The following PEX14 variants were observed in gnomAD, a reference collection of about 807,000 sequenced individuals.
PEX14 encodes the protein peroxisomal membrane protein PEX14.
In PEX14, 15 loss-of-function variants were observed where a neutral mutation model predicts 49.5. The observed-to-expected ratio is 0.30, with a 90% CI of 0.20 to 0.47. The LOEUF (loss-of-function observed/expected upper bound fraction) is 0.47. Ranked by LOEUF, PEX14 falls within the 20% of genes least tolerant of loss-of-function variation. PEX14 has a pLI of 1.00. For synonymous variants in PEX14, 210 were observed against 212.7 expected (o/e 0.99, Z 0.11); for missense variants, 398 against 494.8 (o/e 0.80, Z 1.86).
At chr1:10,612,833 G>C (rs1269886499) in intron 4 of PEX14, among the ~76,000 whole-genome samples, 1 of 152,244 alleles carries the variant, frequency 6.6e-6, no homozygotes, top group African/African-American at 2.4e-5. Context: ...TGGCTTCTGA[G>C]CGAAGCTGAT....
At chr1:10,610,950 A>T (rs1641263097) in intron 4 of PEX14, among the ~76,000 whole-genome samples, 1 of 151,944 alleles carries the variant, frequency 6.6e-6, no homozygotes. Context: ...ACAATTCTTT[A>T]AAAATTTAAT....
At chr1:10,616,864 C>T (rs1373986523) in intron 4 of PEX14, 1 of 152,168 alleles carries the variant, frequency 6.6e-6, no homozygotes, top group African/African-American at 2.4e-5. Context: ...CGCCTGTAGT[C>T]CATCTGCTTG....
At position 10,630,371 on chromosome 1, in the gene PEX14, G is replaced by A. The variant is rs1316206700; in HGVS notation, c.*384G>A. On this transcript the variant is annotated 3_prime_UTR_variant, in exon 9 of 9. Coordinates refer to ENST00000356607, the MANE Select transcript of PEX14 (RefSeq NM_004565.3). This position sits in a 1 kb window ranked among gnomAD's most constrained non-coding sequence, Gnocchi z 4.1. The stretch of plus-strand genomic sequence containing the variant: ...GACACCACGCATGGCCAGAGCTAGC[G>A]TCCCTACTGCCTCCCGACTCCTCAG... 5 of 271,334 alleles carry A rather than the reference G, an allele frequency of 1.8e-5. No homozygotes were observed. Among genetic ancestry groups the A allele is most frequent in the South Asian group, 1.1e-4 (2 of 17,640 alleles). The allele number at this position is 271,334 out of a possible 1,614,324, so 16.8% of individuals were successfully genotyped here.
At chr1:10,493,087 C>A (rs1017438033) in intron 1 of PEX14, among the ~76,000 whole-genome samples, 1 of 152,178 alleles carries the variant, frequency 6.6e-6, no homozygotes, top group African/African-American at 2.4e-5. Context: ...GCCAGTGCGT[C>A]TGTCAGGGGG....
intron 5 of PEX14, among the ~76,000 whole-genome samples, chr1:10,621,656 ACCTTTCTTGCTGAGGACATTTCAT>A (rs1308992509): frequency 1.3e-5 from 2 of 152,024 alleles, no homozygotes; most frequent in Admixed American, 1.3e-4. Context: ...AGAATTCTTT[ACCTTTCTTGCTGAGGACATTTCAT>A]CCTGAAGTGT....
At chr1:10,611,373 G>A (rs1236214861) in intron 4 of PEX14, among the ~76,000 whole-genome samples, 1 of 152,218 alleles carries the variant, frequency 6.6e-6, no homozygotes, top group Non-Finnish European at 1.5e-5. Flanking sequence ...GTTGCTCCAT[G>A]TACCGCAATT....
At chr1:10,515,078 G>T (rs1641947770) in intron 2 of PEX14, among the ~76,000 whole-genome samples, 1 of 152,174 alleles carries the variant, frequency 6.6e-6, no homozygotes, top group South Asian at 2.1e-4. Context: ...CCTCCAGCGG[G>T]CTCTCCAGCA....
At chr1:10,542,865 G>C (rs1282217104) in intron 3 of PEX14, among the ~76,000 whole-genome samples, 5 of 152,164 alleles carry the variant, frequency 3.3e-5, no homozygotes, top group Non-Finnish European at 1.5e-5. Flanking sequence ...GAATATTCTT[G>C]TCGTATACAT....
intron 2 of PEX14, among the ~76,000 whole-genome samples, chr1:10,500,786 G>C (rs971319657): frequency 6.6e-6 from 1 of 152,152 alleles, no homozygotes; most frequent in Non-Finnish European, 1.5e-5. Flanking sequence ...TGTTGGCCAG[G>C]TTGGTCTCGA....
intron 4 of PEX14, among the ~76,000 whole-genome samples, chr1:10,609,997 C>T (rs1641232523): frequency 6.7e-6 from 1 of 149,934 alleles, no homozygotes; most frequent in African/African-American, 2.4e-5. Flanking sequence ...GAGATTGATT[C>T]ATGTTTTTAT....
intron 3 of PEX14, among the ~76,000 whole-genome samples, chr1:10,586,948 T>C (rs1049770436): frequency 2.0e-5 from 3 of 151,500 alleles, no homozygotes; most frequent in South Asian, 2.1e-4. Context: ...ATCCCACATA[T>C]ATAAAATTCA....
intron 2 of PEX14, among the ~76,000 whole-genome samples, chr1:10,535,274 C>A (rs755739536): frequency 1.3e-5 from 2 of 152,208 alleles, no homozygotes; most frequent in African/African-American, 4.8e-5. Context: ...ACACACTTCG[C>A]GTGTGCTGAG....
chr1:10,535,856 G>A (rs1638785620), intron 2 of PEX14: 7 of 359,652 alleles, frequency 1.9e-5, no homozygotes, highest in South Asian at 1.6e-4. Flanking sequence ...AGGCCTTCCA[G>A]AAAGACAGCA....
Position 10,590,130 on chromosome 1 carries a change from C to T in PEX14, c.170-9108C>T, listed in dbSNP as rs1640617047. Among the ~76,000 whole-genome samples, 3 of 152,194 alleles carry T rather than the reference C, an allele frequency of 2.0e-5. No homozygotes were observed. In the South Asian group the frequency reaches 6.2e-4, roughly 32 times the overall value. On this transcript the variant is annotated intron_variant, in intron 3 of 8. Coordinates refer to ENST00000356607, the MANE Select transcript of PEX14 (RefSeq NM_004565.3). ...GGTTCATGTCTGTGAGCCTCAGGCT[C>T]TTCCCCTGTAAATGGGGAGAATCAA...
Position 10,628,040 on chromosome 1 carries a change from A to G in PEX14, c.677+677A>G, listed in dbSNP as rs1641801849. Among the ~76,000 whole-genome samples, 1 of 151,988 alleles carries G rather than the reference A, an allele frequency of 6.6e-6. No individual in the cohort carries two copies. The highest frequency in any genetic ancestry group is 1.5e-5 in the Non-Finnish European group (1 of 68,002). ...AACCTCTGCCTCCCGGGTTCACGCC[A>G]TTCTCCTGCCTCAGCCTCCCGAGTA... On this transcript the variant is annotated intron_variant, in intron 8 of 8. Coordinates refer to ENST00000356607, the MANE Select transcript of PEX14 (RefSeq NM_004565.3). The surrounding 1 kb of genome is among the most constrained non-coding windows in gnomAD (Gnocchi z 4.5).
At position 10,494,379 on chromosome 1, in the gene PEX14, T is replaced by G. The variant is rs1299098710; in HGVS notation, c.37-895T>G. Among the ~76,000 whole-genome samples, 3 of 152,248 alleles carry G rather than the reference T, an allele frequency of 2.0e-5. No homozygotes were observed. ...CACTTGTCTGGATATTAACTGTAGA[T>G]AGATGGCAATTGGCCTGACCATCAG... On this transcript the variant is annotated intron_variant, in intron 1 of 8. Coordinates refer to ENST00000356607, the MANE Select transcript of PEX14 (RefSeq NM_004565.3). This position sits in a 1 kb window ranked among gnomAD's most constrained non-coding sequence, Gnocchi z 4.3.
Position 10,618,421 on chromosome 1 carries a change from A to T in PEX14, c.384+4A>T. On this transcript the variant is annotated splice_donor_region_variant and intron_variant, in intron 5 of 8. Transcript: ENST00000356607. Reference sequence around the variant, plus strand: ...TGGCTTTCACCAGCTCTACAAGGTGAGTCACCCCCAGCGGCTGCAGGTGCT... The same window carrying T: ...TGGCTTTCACCAGCTCTACAAGGTGTGTCACCCCCAGCGGCTGCAGGTGCT... The T allele has an allele frequency of 1.9e-6, 3 of 1,609,130 alleles. No individual in the cohort carries two copies. The highest frequency in any genetic ancestry group is 2.6e-6 in the Non-Finnish European group (3 of 1,176,166).
At chr1:10,492,315 T>G (rs1166170194) in intron 1 of PEX14, among the ~76,000 whole-genome samples, 1 of 152,206 alleles carries the variant, frequency 6.6e-6, no homozygotes, top group Non-Finnish European at 1.5e-5. Context: ...TTGGGTTAAG[T>G]CAGAATGGGG....
chr1:10,511,764 G>A (rs1408016946), intron 2 of PEX14, among the ~76,000 whole-genome samples: 1 of 152,040 alleles, frequency 6.6e-6, no homozygotes, highest in Admixed American at 6.6e-5. Flanking sequence ...GACCTCTGTG[G>A]CCCGTGGGAC....
Sources: allele counts gnomAD v4.1 joint callset (sites outside exome capture counted in the v4.1 genomes callset), GRCh38; gene constraint gnomAD v4.1.1; non-coding constraint Gnocchi (gnomAD v3.1); transcripts MANE v1.5; gene names NCBI Gene and HGNC (gene_info 2026-07-23, HGNC 2026-07-21).